Variants in GNE observed in about 807,000 individuals in gnomAD.
GNE encodes the protein bifunctional UDP-N-acetylglucosamine 2-epimerase/N-acetylmannosamine kinase.
In GNE, 41 loss-of-function variants were observed where a neutral mutation model predicts 61.8. The observed-to-expected ratio is 0.66, with a 90% CI of 0.52 to 0.86. The LOEUF is 0.86. Among genes scored for constraint, GNE ranks in the 40% least tolerant of loss-of-function variants. The pLI is 0.00. For synonymous variants in GNE, 264 were observed against 326.4 expected, an observed-to-expected ratio of 0.81 and a Z score of 2.06; for missense variants, 608 against 909.1, an observed-to-expected ratio of 0.67 and a Z score of 4.26.
intron 9 of GNE, among the ~76,000 whole-genome samples, chr9:36,220,955 T>G (rs1268056349): frequency 6.6e-6 from 1 of 152,252 alleles, no homozygotes; most frequent in East Asian, 1.9e-4. Context: ...GTCACTGCTC[T>G]GAGCCAGGAA....
At chr9:36,238,687 G>A (rs1829508966) in intron 3 of GNE, among the ~76,000 whole-genome samples, 1 of 152,084 alleles carries the variant, frequency 6.6e-6, no homozygotes, top group African/African-American at 2.4e-5. Context: ...CCCACTCTGT[G>A]GTTGTCTGTT....
At chr9:36,260,098 G>T (rs1353345642), upstream of GNE, among the ~76,000 whole-genome samples, 2 of 151,890 alleles carry the variant, frequency 1.3e-5, no homozygotes, top group African/African-American at 2.4e-5. Flanking sequence ...TAGATATAAG[G>T]GGATGACAGG....
At position 36,216,229 on chromosome 9, in the gene GNE, TA is replaced by T. The variant is rs762003038; in HGVS notation, c.*1135del. The T allele has an allele frequency of 1.1e-5, 5 of 452,646 alleles. No homozygotes were observed. Among genetic ancestry groups the T allele is most frequent in the South Asian group, 3.1e-5 (2 of 64,376 alleles). The allele number at this position is 452,646 out of a possible 1,614,324, so 28.0% of individuals were successfully genotyped here. A position where few individuals can be genotyped will look rare whatever the true frequency, so the allele number is the denominator to read the frequency against. On this transcript the variant is annotated 3_prime_UTR_variant, in exon 12 of 12. Transcript: ENST00000642385. ...GGCTTTAAAAACAATAAAGCTGTTT[TA>T]AAAAAAAGTGTACTTAAGCCCTTCC...
chr9:36,266,405 G>T (rs886279098), intron 1 of GNE, among the ~76,000 whole-genome samples: 4 of 152,222 alleles, frequency 2.6e-5, no homozygotes, highest in African/African-American at 9.6e-5. Context: ...TCCTGTTGCA[G>T]AATAGCCTTA....
intron 5 of GNE, among the ~76,000 whole-genome samples, chr9:36,232,571 G>A (rs1194254386): frequency 3.9e-5 from 6 of 152,134 alleles, no homozygotes; most frequent in South Asian, 4.2e-4. Context: ...TTCACCTCCC[G>A]GCCCTCACAC....
Position 36,229,005 on chromosome 9 carries a change from A to C in GNE, c.1070+16T>G. 7.0e-7 allele frequency: 1 copy of C among 1,424,592 alleles called. No individual in the cohort carries two copies. Among genetic ancestry groups the C allele is most frequent in the Non-Finnish European group, 9.9e-7 (1 of 1,007,156 alleles). The allele number at this position is 1,424,592 out of a possible 1,614,324, so 88.2% of individuals were successfully genotyped here. On this transcript the variant is annotated intron_variant, in intron 6 of 11. Transcript: ENST00000642385. ...TCCCCTTTTAAATCACTCAACAAAG[A>C]ATGTTTTATACTCACCAAGGGTACT...
chr9:36,221,177 C>T (rs754441290), intron 9 of GNE, among the ~76,000 whole-genome samples: 6 of 151,928 alleles, frequency 3.9e-5, no homozygotes, highest in East Asian at 1.9e-4. Context: ...AGAAATTAGC[C>T]GGGTGTGGTG....
intron 1 of GNE, among the ~76,000 whole-genome samples, chr9:36,266,969 G>A (rs903616367): frequency 6.6e-6 from 1 of 152,186 alleles, no homozygotes; most frequent in Non-Finnish European, 1.5e-5. Context: ...GGGAGGCTGA[G>A]GCAGGATAAT....
At chr9:36,275,454 T>C (rs1308180555) in intron 1 of GNE, among the ~76,000 whole-genome samples, 1 of 152,134 alleles carries the variant, frequency 6.6e-6, no homozygotes, top group South Asian at 2.1e-4. Flanking sequence ...AAAAGATAAT[T>C]GAATTATTAA....
At chr9:36,275,941 G>A (rs1435921148) in intron 1 of GNE, among the ~76,000 whole-genome samples, 1 of 152,152 alleles carries the variant, frequency 6.6e-6, no homozygotes, top group Non-Finnish European at 1.5e-5. Context: ...GAAAGGCCAA[G>A]CCAGGAACAT....
rs1344244024 is a variant in GNE at position 36,217,068 on chromosome 9, A to G, written c.*297T>C. ...TAATACATTAGTAAGCAGAGTTCTAAGAAGGCTTCCTCTCTATTATTGTAG... is the reference window on the plus strand; with the variant it reads ...TAATACATTAGTAAGCAGAGTTCTAGGAAGGCTTCCTCTCTATTATTGTAG... On this transcript the variant is annotated 3_prime_UTR_variant, in exon 12 of 12. Coordinates refer to ENST00000642385, the MANE Select transcript of GNE (RefSeq NM_005476.7). 1.8e-5 allele frequency: 8 copies of G among 440,320 alleles called. No homozygotes were observed. The highest frequency in any genetic ancestry group is 3.0e-5 in the Non-Finnish European group (7 of 236,704). The allele number at this position is 440,320 out of a possible 1,614,324, so 27.3% of individuals were successfully genotyped here.
intron 6 of GNE, 22 bp downstream of exon 6, chr9:36,228,999 A>G: frequency 3.0e-6 from 4 of 1,353,404 alleles, no homozygotes; most frequent in Non-Finnish European, 4.2e-6. Context: ...AAATCACTCA[A>G]CAAAGAATGT....
chr9:36,227,585 A>G, intron 6 of GNE, 127 bp from the exon 7 acceptor site: 2 of 716,468 alleles, frequency 2.8e-6, no homozygotes, highest in Non-Finnish European at 4.9e-6. Context: ...CTAAAGTGAC[A>G]TCTTCCTGCC....
At chr9:36,221,600 T>C (rs1828589694) in intron 9 of GNE, among the ~76,000 whole-genome samples, 2 of 152,174 alleles carry the variant, frequency 1.3e-5, no homozygotes, top group African/African-American at 4.8e-5. Flanking sequence ...AAAAAACTGG[T>C]AAAAATGTCA....
At chr9:36,266,240 G>A (rs1263582641) in intron 1 of GNE, among the ~76,000 whole-genome samples, 4 of 152,166 alleles carry the variant, frequency 2.6e-5, no homozygotes, top group African/African-American at 9.7e-5. Flanking sequence ...CTGGCCTGCG[G>A]CCCAGTTCTT....
chr9:36,230,440 C>T (rs1829091544), intron 5 of GNE, among the ~76,000 whole-genome samples: 1 of 152,006 alleles, frequency 6.6e-6, no homozygotes, highest in Non-Finnish European at 1.5e-5. Flanking sequence ...TGGTCCTGGG[C>T]TCCATTCTCT....
intron 3 of GNE, among the ~76,000 whole-genome samples, chr9:36,244,198 C>G (rs761452821): frequency 6.6e-5 from 10 of 152,078 alleles, no homozygotes; most frequent in Non-Finnish European, 1.3e-4. Context: ...CTCCTAGGCT[C>G]AAGCAATACT....
At position 36,229,014 on chromosome 9, in the gene GNE, T is replaced by C. The variant is rs149675783; in HGVS notation, c.1070+7A>G. ...AAATCACTCAACAAAGAATGTTTTA[T>C]ACTCACCAAGGGTACTGTTTACCAA... On this transcript the variant is annotated splice_region_variant and intron_variant, in intron 6 of 11. Transcript: ENST00000642385. 1.8e-5 allele frequency: 28 copies of C among 1,519,238 alleles called. No individual in the cohort carries two copies. The East Asian group carries it at 5.9e-4, about 32-fold the overall frequency. 94.1% of individuals were successfully genotyped at this position (1,519,238 alleles called of 1,614,324 possible).
intron 2 of GNE, among the ~76,000 whole-genome samples, chr9:36,247,745 G>T (rs1169848710): frequency 6.6e-6 from 1 of 152,006 alleles, no homozygotes; most frequent in Non-Finnish European, 1.5e-5. Flanking sequence ...AAAAAAATCT[G>T]GACGGACGCA....
Sources: gnomAD v4.1 joint callset for allele counts (sites outside exome capture counted in the v4.1 genomes callset) on GRCh38, gnomAD v4.1.1 for gene constraint, MANE v1.5 for transcripts, NCBI Gene and HGNC (gene_info 2026-07-23, HGNC 2026-07-21) for gene names.